Variants in PRKCA observed in about 807,000 individuals in gnomAD.
The protein encoded by PRKCA is protein kinase C alpha type.
PRKCA carries 27 observed loss-of-function variants against 87.0 expected under a neutral mutation model. The observed-to-expected ratio is 0.31, with a 90% CI of 0.23 to 0.43. The LOEUF (loss-of-function observed/expected upper bound fraction) is 0.43, where lower values mean the gene tolerates loss of function less well. Among genes scored for constraint, PRKCA ranks in the 20% least tolerant of loss-of-function variants. The pLI is 1.00. For missense variants in PRKCA, 518 were observed against 852.3 expected (o/e 0.61, Z 4.88); for synonymous variants, 329 against 311.1 (o/e 1.06, Z -0.61).
At chr17:66,769,355 CAA>C (rs534779519) in intron 13 of PRKCA, among the ~76,000 whole-genome samples, 8 of 127,974 alleles carry the variant, frequency 6.3e-5, no homozygotes, top group African/African-American at 2.8e-5. Context: ...GACACTGTCT[CAA>C]AAAAAAAAAA....
At chr17:66,769,099 A>G (rs566379569) in intron 13 of PRKCA, among the ~76,000 whole-genome samples, 5 of 152,264 alleles carry the variant, frequency 3.3e-5, no homozygotes, top group South Asian at 4.2e-4. Flanking sequence ...GGGACAACTC[A>G]TTTCAGTTAA....
intron 2 of PRKCA, among the ~76,000 whole-genome samples, chr17:66,402,207 A>C (rs1911071857): frequency 6.6e-6 from 1 of 152,182 alleles, no homozygotes; most frequent in South Asian, 2.1e-4. Context: ...TGGCAGTGTC[A>C]AGATACAAAG....
intron 2 of PRKCA, among the ~76,000 whole-genome samples, chr17:66,343,344 T>TC (rs748811734): frequency 2.0e-5 from 3 of 152,086 alleles, no homozygotes; most frequent in Non-Finnish European, 2.9e-5. Context: ...ATCACTTTCT[T>TC]CCCCCCTTGT....
intron 5 of PRKCA, among the ~76,000 whole-genome samples, chr17:66,672,318 G>A (rs1972210462): frequency 6.6e-6 from 1 of 152,090 alleles, no homozygotes; most frequent in Non-Finnish European, 1.5e-5. Flanking sequence ...AAGTCAGGCA[G>A]AAATAAATAC....
chr17:66,353,209 C>G lies in PRKCA; in HGVS notation c.205+47082C>G, dbSNP rs779543880. On this transcript the variant is annotated intron_variant, in intron 2 of 16. Coordinates refer to ENST00000413366, the MANE Select transcript of PRKCA (RefSeq NM_002737.3). ...CATTTGAAATCCTTTCCATTAAGTG[C>G]AGCACAAGCAGATCTTTCTGCACAT... Among the ~76,000 whole-genome samples the G allele has an allele frequency of 5.9e-5, 9 of 152,166 alleles. 1 individual carries two copies. The highest frequency in any genetic ancestry group is 8.8e-5 in the Non-Finnish European group (6 of 68,046).
intron 8 of PRKCA, among the ~76,000 whole-genome samples, chr17:66,694,211 C>T (rs558589825): frequency 1.9e-4 from 29 of 152,146 alleles, no homozygotes; most frequent in Admixed American, 3.9e-4. Flanking sequence ...TGGCCAGGCG[C>T]GGTGGCTCAC....
intron 2 of PRKCA, among the ~76,000 whole-genome samples, chr17:66,345,143 T>C (rs564773992): frequency 1.2e-4 from 18 of 152,318 alleles, no homozygotes; most frequent in Non-Finnish European, 2.2e-4. Context: ...TCTTAGGAAC[T>C]CTTATACCTT....
At chr17:66,437,757 C>G (rs1174062325) in intron 2 of PRKCA, among the ~76,000 whole-genome samples, 38 of 85,152 alleles carry the variant, frequency 4.5e-4, no homozygotes, top group Middle Eastern at 0.011. Flanking sequence ...GGGGCGGGGG[C>G]GGCTTCAAAC....
intron 8 of PRKCA, among the ~76,000 whole-genome samples, chr17:66,719,161 A>C (rs1973551178): frequency 6.6e-6 from 1 of 152,174 alleles, no homozygotes; most frequent in South Asian, 2.1e-4. Flanking sequence ...GTTCATCTGC[A>C]TGTCATTGAA....
intron 13 of PRKCA, among the ~76,000 whole-genome samples, chr17:66,758,362 A>G (rs939118352): frequency 2.0e-5 from 3 of 152,216 alleles, no homozygotes; most frequent in African/African-American, 7.2e-5. Flanking sequence ...ACTGGTATCA[A>G]GAAAGAAATT....
chr17:66,662,903 T>C (rs1190664533), intron 5 of PRKCA, among the ~76,000 whole-genome samples: 1 of 152,160 alleles, frequency 6.6e-6, no homozygotes, highest in Non-Finnish European at 1.5e-5. Context: ...TCCTAGTAGC[T>C]CCTGATAAGT....
chr17:66,796,461 A>G, intron 16 of PRKCA: 3 of 985,232 alleles, frequency 3.0e-6, no homozygotes, highest in Non-Finnish European at 3.6e-6. Context: ...TTGTGTACCA[A>G]AATGCACTGG....
At chr17:66,328,312 G>C (rs1354749372) in intron 2 of PRKCA, among the ~76,000 whole-genome samples, 1 of 152,028 alleles carries the variant, frequency 6.6e-6, no homozygotes. Flanking sequence ...CTCAAGCTAT[G>C]ATCCTCCTAC....
In PRKCA at chr17:66,641,527, T is replaced by C; in HGVS notation, c.400+61T>C. 2.3e-6 allele frequency: 3 copies of C among 1,291,400 alleles called. No homozygotes were observed. In the South Asian group the frequency reaches 4.1e-5, roughly 18 times the overall value. The allele number at this position is 1,291,400 out of a possible 1,614,324, so 80.0% of individuals were successfully genotyped here. A position where few individuals can be genotyped will look rare whatever the true frequency, so the allele number is the denominator to read the frequency against. ...TCTGTAGCTCATGCTCAGGGTTTGCTGAGCAAGGAAGGCTCAGTAACTTTT... is the reference window on the plus strand; with the variant it reads ...TCTGTAGCTCATGCTCAGGGTTTGCCGAGCAAGGAAGGCTCAGTAACTTTT... On this transcript the variant is annotated intron_variant, in intron 4 of 16. Coordinates refer to ENST00000413366, the MANE Select transcript of PRKCA (RefSeq NM_002737.3).
chr17:66,346,947 C>G (rs2143395232), intron 2 of PRKCA, among the ~76,000 whole-genome samples: 1 of 151,864 alleles, frequency 6.6e-6, no homozygotes, highest in East Asian at 1.9e-4. Flanking sequence ...AGGAGAATCA[C>G]TTGAACGCGG....
intron 13 of PRKCA, among the ~76,000 whole-genome samples, chr17:66,751,900 A>G (rs1974437630): frequency 1.3e-5 from 2 of 152,152 alleles, no homozygotes; most frequent in African/African-American, 4.8e-5. Context: ...CTTTCAAACA[A>G]CCAGATCTCA....
chr17:66,735,698 A>C (rs1356723897), intron 10 of PRKCA, 36 bp downstream of exon 10: 1 of 1,594,528 alleles, frequency 6.3e-7, no homozygotes, highest in Admixed American at 1.7e-5. Context: ...TGCAGTACCC[A>C]GCTCTCAGAG....
intron 2 of PRKCA, among the ~76,000 whole-genome samples, chr17:66,364,773 A>AT (rs1195827990): frequency 3.3e-5 from 5 of 151,946 alleles, no homozygotes; most frequent in African/African-American, 1.2e-4. Flanking sequence ...TCAGCCAGTG[A>AT]TTTTTCTGTT....
chr17:66,689,574 A>C lies in PRKCA; in HGVS notation c.918+527A>C. On this transcript the variant is annotated intron_variant, in intron 8 of 16. Transcript: ENST00000413366. The surrounding 1 kb of genome is among the most constrained non-coding windows in gnomAD (Gnocchi z 4.1). ...ATGCTCCAGATGTTTAGCAAAGGCC[A>C]CCTCCTTCTCTTCTTCCTCTTGGTA... Among the ~76,000 whole-genome samples, 1 of 149,936 alleles carries C rather than the reference A, an allele frequency of 6.7e-6. No individual in the cohort carries two copies. The highest frequency in any genetic ancestry group is 2.4e-5 in the African/African-American group (1 of 40,824).
Sources: allele counts gnomAD v4.1 joint callset (sites outside exome capture counted in the v4.1 genomes callset), GRCh38; gene constraint gnomAD v4.1.1; non-coding constraint Gnocchi (gnomAD v3.1); transcripts MANE v1.5; gene names NCBI Gene and HGNC (gene_info 2026-07-23, HGNC 2026-07-21).